UBA2: variants seen among roughly 807,000 people sequenced by gnomAD.
UBA2 encodes the protein SUMO-activating enzyme subunit 2.
A neutral mutation model predicts 77.2 loss-of-function variants in UBA2; 11 were observed. The ratio of observed to expected loss-of-function variants is 0.14; its 90% confidence interval spans 0.09 to 0.24. UBA2 has a LOEUF of 0.24. Ranked by LOEUF, UBA2 falls within the 10% of genes least tolerant of loss-of-function variation. UBA2 has a pLI of 1.00. For synonymous variants in UBA2, 278 were observed against 276.7 expected (o/e 1.00, Z -0.05); for missense variants, 487 against 781.7 (o/e 0.62, Z 4.50).
chr19:34,460,421 C>A, intron 13 of UBA2, 49 bp from the exon 14 acceptor site: 1 of 1,214,850 alleles, frequency 8.2e-7, no homozygotes, highest in Non-Finnish European at 1.2e-6. Flanking sequence ...TTCTTATGAT[C>A]TTTAATTACC....
chr19:34,428,886 C>A (rs1483261758), intron 1 of UBA2: 3 of 1,028,352 alleles, frequency 2.9e-6, no homozygotes, highest in Non-Finnish European at 3.5e-6. Context: ...AAAACAAATT[C>A]CCGGCTGTTA....
chr19:34,455,390 G>C (rs1182445545), intron 12 of UBA2, among the ~76,000 whole-genome samples: 2 of 152,012 alleles, frequency 1.3e-5, no homozygotes, highest in Non-Finnish European at 2.9e-5. Context: ...TGGTGGGTGG[G>C]GTAGGTGTAT....
At position 34,456,109 on chromosome 19, in the gene UBA2, T is replaced by TTTC. The variant is rs1242629567; in HGVS notation, c.1245+1555_1245+1556insCTT. On this transcript the variant is annotated intron_variant, in intron 12 of 16. Transcript: ENST00000246548. Reference sequence around the variant, plus strand: ...CTCTTTTTTTCCTTTTCTTTTTCTTTTTTTTTTTTTTTTTTGAGGTGGAAT... The same window carrying TTTC: ...CTCTTTTTTTCCTTTTCTTTTTCTTTTTCTTTTTTTTTTTTTTTGAGGTGGAAT... Among the ~76,000 whole-genome samples the TTTC allele has an allele frequency of 3.8e-3, 495 of 129,838 alleles. 12 individuals carry two copies. Among genetic ancestry groups the TTTC allele is most frequent in the Non-Finnish European group, 4.8e-3 (293 of 60,896 alleles). The allele number at this position is 129,838 out of a possible 152,430, so 85.2% of individuals were successfully genotyped here.
intron 15 of UBA2, among the ~76,000 whole-genome samples, chr19:34,465,753 T>G (rs1337743443): frequency 6.6e-6 from 1 of 151,664 alleles, no homozygotes; most frequent in Non-Finnish European, 1.5e-5. Context: ...TAGATATAAG[T>G]GGCATGCTTG....
chr19:34,470,092 TA>T lies in UBA2; in HGVS notation c.*888del, dbSNP rs35033516. 4.1e-4 allele frequency: 58 copies of T among 141,224 alleles called. No individual in the cohort carries two copies. Among genetic ancestry groups the T allele is most frequent in the Middle Eastern group, 3.6e-3 (1 of 276 alleles). 8.7% of individuals were successfully genotyped at this position (141,224 alleles called of 1,614,324 possible). A position where few individuals can be genotyped will look rare whatever the true frequency, so the allele number is the denominator to read the frequency against. The stretch of plus-strand genomic sequence containing the variant: ...CAACATGGTGAAACCCCATCTCTAC[TA>T]AAAAAAAAAAAAAAAATTAGCCGGG... On this transcript the variant is annotated 3_prime_UTR_variant, in exon 17 of 17. Coordinates refer to ENST00000246548, the MANE Select transcript of UBA2 (RefSeq NM_005499.3).
At chr19:34,455,060 A>G (rs1175441249) in intron 12 of UBA2, among the ~76,000 whole-genome samples, 1 of 152,186 alleles carries the variant, frequency 6.6e-6, no homozygotes, top group Non-Finnish European at 1.5e-5. Context: ...CTGAATGTGT[A>G]TTAGAATTGT....
intron 12 of UBA2, among the ~76,000 whole-genome samples, chr19:34,457,674 G>A (rs1029820182): frequency 3.2e-4 from 49 of 152,078 alleles, no homozygotes; most frequent in African/African-American, 1.2e-3. Context: ...ATTCTCAGGG[G>A]AATCCGTAGA....
intron 12 of UBA2, among the ~76,000 whole-genome samples, chr19:34,457,007 A>T (rs2075570521): frequency 6.6e-6 from 1 of 150,772 alleles, no homozygotes; most frequent in Non-Finnish European, 1.5e-5. Flanking sequence ...TTGCCTGCTT[A>T]GCTCCATGCC....
At chr19:34,446,336 C>T (rs370277115) in intron 8 of UBA2, among the ~76,000 whole-genome samples, 2 of 152,140 alleles carry the variant, frequency 1.3e-5, no homozygotes, top group Non-Finnish European at 2.9e-5. Flanking sequence ...TCCACATAAC[C>T]GAAAACTCTT....
chr19:34,434,515 T>G (rs905647434), intron 4 of UBA2, among the ~76,000 whole-genome samples: 22 of 152,222 alleles, frequency 1.4e-4, no homozygotes, highest in Non-Finnish European at 2.9e-5. Flanking sequence ...ATTTCTATCA[T>G]GTATTATCTG....
intron 1 of UBA2, chr19:34,429,177 C>A: frequency 1.0e-6 from 1 of 985,352 alleles, no homozygotes; most frequent in Admixed American, 6.1e-5. Flanking sequence ...GAGCGAGTGG[C>A]AGGGCTCCCG....
intron 6 of UBA2, among the ~76,000 whole-genome samples, chr19:34,442,179 G>T (rs777778716): frequency 1.3e-5 from 2 of 152,238 alleles, no homozygotes; most frequent in South Asian, 2.1e-4. Flanking sequence ...AGGCTGCAGT[G>T]AGCTGTGATC....
intron 2 of UBA2, among the ~76,000 whole-genome samples, chr19:34,431,560 G>A (rs1468301753): frequency 6.6e-6 from 1 of 152,116 alleles, no homozygotes; most frequent in Admixed American, 6.5e-5. Flanking sequence ...CTTGTTAAGT[G>A]AATGAATGAA....
intron 9 of UBA2, 21 bp from the exon 10 acceptor site, chr19:34,451,958 AAT>A (rs755465490): frequency 3.5e-6 from 5 of 1,426,966 alleles, no homozygotes; most frequent in Non-Finnish European, 4.7e-6. Context: ...TGAAATTTCT[AAT>A]ATATATATTT....
chr19:34,456,106 C>CTTTTTTTTTTTT (rs869130576), intron 12 of UBA2, among the ~76,000 whole-genome samples: 1 of 73,628 alleles, frequency 1.4e-5, no homozygotes, highest in Non-Finnish European at 3.4e-5. Context: ...TTTTCTTTTT[C>CTTTTTTTTTTTT]TTTTTTTTTT....
intron 7 of UBA2, 140 bp downstream of exon 7, chr19:34,444,051 T>TGG (rs1568373226): frequency 1.1e-4 from 39 of 371,348 alleles, no homozygotes; most frequent in Admixed American, 2.9e-4. Flanking sequence ...TTTGTTTTTT[T>TGG]TTTTTTTTTT....
At chr19:34,468,551 C>T (rs887444355) in intron 16 of UBA2, among the ~76,000 whole-genome samples, 38 of 152,188 alleles carry the variant, frequency 2.5e-4, no homozygotes, top group Non-Finnish European at 8.8e-5. Context: ...TGGCTTCATC[C>T]TCTGCTACTA....
At chr19:34,457,179 A>AAAAAATATATATATATATATATATAT (rs1262007864) in intron 12 of UBA2, among the ~76,000 whole-genome samples, 2 of 53,220 alleles carry the variant, frequency 3.8e-5, no homozygotes, top group African/African-American at 1.2e-4. Context: ...AAAAAAAAAA[A>AAAAAATATATATATATATATATATAT]ATATATATAT....
intron 9 of UBA2, among the ~76,000 whole-genome samples, chr19:34,451,536 GTTTTTTTTTTTT>G (rs773178552): frequency 0.019 from 1,182 of 62,996 alleles, 20 homozygotes; most frequent in East Asian, 0.11. Context: ...AGGTTTAACA[GTTTTTTTTTTTT>G]TTTTTTTTTT....
Sources: allele counts gnomAD v4.1 joint callset (sites outside exome capture counted in the v4.1 genomes callset), GRCh38; gene constraint gnomAD v4.1.1; transcripts MANE v1.5; gene names NCBI Gene and HGNC (gene_info 2026-07-23, HGNC 2026-07-21).